Variants in PRKAG2 observed in about 807,000 individuals in gnomAD.
PRKAG2 encodes the protein protein kinase AMP-activated non-catalytic subunit gamma 2.
PRKAG2 carries 26 observed loss-of-function variants against 69.6 expected under a neutral mutation model. The observed-to-expected ratio is 0.37, with a 90% CI of 0.27 to 0.52. The LOEUF (loss-of-function observed/expected upper bound fraction) is 0.52, where lower values mean the gene tolerates loss of function less well. Among genes scored for constraint, PRKAG2 ranks in the 20% least tolerant of loss-of-function variants. The pLI is 0.90. For missense variants in PRKAG2, 557 were observed against 740.0 expected, an observed-to-expected ratio of 0.75 and a Z score of 2.87; for synonymous variants, 293 against 285.0, an observed-to-expected ratio of 1.03 and a Z score of -0.28.
At chr7:151,645,794 G>A (rs1795963050) in intron 4 of PRKAG2, among the ~76,000 whole-genome samples, 1 of 152,086 alleles carries the variant, frequency 6.6e-6, no homozygotes, top group South Asian at 2.1e-4. Flanking sequence ...TTCTTCCAAG[G>A]TTGTGAGGAT....
chr7:151,784,107 G>A (rs952245573), intron 2 of PRKAG2, among the ~76,000 whole-genome samples: 15 of 151,930 alleles, frequency 9.9e-5, no homozygotes, highest in Non-Finnish European at 1.8e-4. Context: ...TCAGTTTCCC[G>A]CAATGTGGAC....
intron 1 of PRKAG2, among the ~76,000 whole-genome samples, chr7:151,795,860 T>C (rs4076596): frequency 9.6e-6 from 1 of 104,514 alleles, no homozygotes; most frequent in Non-Finnish European, 1.9e-5. Flanking sequence ...TATATATATA[T>C]ATATATATAT....
In PRKAG2 at chr7:151,784,142, T is replaced by C. The variant is rs185582396; in HGVS notation, c.186+2328A>G. On this transcript the variant is annotated intron_variant, in intron 2 of 15. Transcript: ENST00000287878. The stretch of plus-strand genomic sequence containing the variant: ...CAACGACTTGGTTGTCCAAGCCTCG[T>C]TCCCAGGGCTGAGACAATCACGACA... Among the ~76,000 whole-genome samples, 4 of 152,190 alleles carry C rather than the reference T, an allele frequency of 2.6e-5. No individual in the cohort carries two copies. In the East Asian group the frequency reaches 5.8e-4, roughly 22 times the overall value.
intron 3 of PRKAG2, among the ~76,000 whole-genome samples, chr7:151,695,855 G>T (rs1190134320): frequency 2.0e-5 from 3 of 152,072 alleles, no homozygotes; most frequent in East Asian, 3.9e-4. Context: ...AATCACTCTT[G>T]GTGGTCTGAA....
intron 1 of PRKAG2, among the ~76,000 whole-genome samples, chr7:151,808,290 G>A (rs951434114): frequency 8.5e-5 from 13 of 152,160 alleles, no homozygotes; most frequent in African/African-American, 2.9e-4. Flanking sequence ...TGGGACCATT[G>A]AAAAATACTC....
chr7:151,605,359 T>C (rs1817253393), intron 5 of PRKAG2, among the ~76,000 whole-genome samples: 2 of 151,438 alleles, frequency 1.3e-5, no homozygotes, highest in South Asian at 2.1e-4. Context: ...TAAACCCTCT[T>C]TGAATGTGTA....
rs1310699389 is a variant in PRKAG2 at position 151,679,654 on chromosome 7, T to C, written c.467-4017A>G. Reference sequence around the variant, plus strand: ...TGTGACAGCCCTGCAGAGAAACCCCTCTGGGGGGCTGGGGTCTTCGTGTGT... The same window carrying C: ...TGTGACAGCCCTGCAGAGAAACCCCCCTGGGGGGCTGGGGTCTTCGTGTGT... On this transcript the variant is annotated intron_variant, in intron 3 of 15. Transcript: ENST00000287878. Among the ~76,000 whole-genome samples, 10 of 152,110 alleles carry C rather than the reference T, an allele frequency of 6.6e-5. No individual in the cohort carries two copies. In the East Asian group the frequency reaches 1.7e-3, roughly 26 times the overall value.
chr7:151,807,376 A>G lies in PRKAG2; in HGVS notation c.115-20835T>C. The G allele has an allele frequency of 2.2e-6, 1 of 454,854 alleles. No individual in the cohort carries two copies. Among genetic ancestry groups the G allele is most frequent in the Non-Finnish European group, 4.5e-6 (1 of 224,396 alleles). The allele number at this position is 454,854 out of a possible 1,614,324, so 28.2% of individuals were successfully genotyped here. ...TCCATGTGCTTTTTCATGCAGCGGG[A>G]GTGGAATTTTCAGGAAGCAGCTGTG... On this transcript the variant is annotated intron_variant, in intron 1 of 15. Transcript: ENST00000287878. This position sits in a 1 kb window ranked among gnomAD's most constrained non-coding sequence, Gnocchi z 4.4.
chr7:151,699,233 G>A lies in PRKAG2; in HGVS notation c.467-23596C>T, dbSNP rs1378978059. Among the ~76,000 whole-genome samples the A allele has an allele frequency of 6.6e-6, 1 of 152,212 alleles. No homozygotes were observed. The highest frequency in any genetic ancestry group is 1.5e-5 in the Non-Finnish European group (1 of 68,040). On this transcript the variant is annotated intron_variant, in intron 3 of 15. Coordinates refer to ENST00000287878, the MANE Select transcript of PRKAG2 (RefSeq NM_016203.4). This position sits in a 1 kb window ranked among gnomAD's most constrained non-coding sequence, Gnocchi z 4.5. ...AACTGCACTGTAGTTGGAGACTCTTGAGAAACCGAATGAACAATATTTCTG... is the reference window on the plus strand; with the variant it reads ...AACTGCACTGTAGTTGGAGACTCTTAAGAAACCGAATGAACAATATTTCTG...
intron 3 of PRKAG2, among the ~76,000 whole-genome samples, chr7:151,701,231 T>C (rs1563468859): frequency 6.6e-6 from 1 of 152,140 alleles, no homozygotes; most frequent in African/African-American, 2.4e-5. Context: ...CTCCCTCCAG[T>C]CTCTACCTGT....
intron 5 of PRKAG2, among the ~76,000 whole-genome samples, chr7:151,611,243 A>G (rs1818766374): frequency 6.6e-6 from 1 of 152,218 alleles, no homozygotes. Flanking sequence ...AGAGCAGCGG[A>G]GTGCTGATCG....
Position 151,781,515 on chromosome 7 carries a change from C to T in PRKAG2, c.187-84G>A. ...GCCCTGTATGAAACTTATCATTGTC[C>T]TCTCTCACATGCGGGCCCCCCATAG... is the stretch of plus-strand genomic sequence containing the variant. On this transcript the variant is annotated intron_variant, in intron 2 of 15. Transcript: ENST00000287878. The surrounding 1 kb of genome is among the most constrained non-coding windows in gnomAD (Gnocchi z 6.1). 1.3e-6 allele frequency: 2 copies of T among 1,494,806 alleles called. No individual in the cohort carries two copies. Among genetic ancestry groups the T allele is most frequent in the Non-Finnish European group, 1.8e-6 (2 of 1,106,616 alleles). 92.6% of individuals were successfully genotyped at this position (1,494,806 alleles called of 1,614,324 possible).
chr7:151,725,569 A>T (rs1797809603), intron 3 of PRKAG2, among the ~76,000 whole-genome samples: 1 of 152,142 alleles, frequency 6.6e-6, no homozygotes, highest in African/African-American at 2.4e-5. Context: ...AGAAAAAAAA[A>T]AAAAGAGCCA....
At chr7:151,714,448 G>T (rs954923293) in intron 3 of PRKAG2, among the ~76,000 whole-genome samples, 1 of 73,646 alleles carries the variant, frequency 1.4e-5, no homozygotes, top group African/African-American at 5.3e-5. Flanking sequence ...TCCGCGACCC[G>T]CCGTCCTCCC....
intron 4 of PRKAG2, among the ~76,000 whole-genome samples, chr7:151,663,943 T>C (rs1171248035): frequency 6.6e-6 from 1 of 152,220 alleles, no homozygotes; most frequent in South Asian, 2.1e-4. Flanking sequence ...TTGTGAGCCA[T>C]ATAGTCTCTG....
intron 4 of PRKAG2, among the ~76,000 whole-genome samples, chr7:151,635,146 T>C (rs2151340562): frequency 6.6e-6 from 1 of 152,260 alleles, no homozygotes; most frequent in South Asian, 2.1e-4. Context: ...AGATGAGGTT[T>C]CACCATATTG....
intron 6 of PRKAG2, among the ~76,000 whole-genome samples, chr7:151,581,258 T>C (rs1714710541): frequency 6.6e-6 from 1 of 152,144 alleles, no homozygotes; most frequent in African/African-American, 2.4e-5. Context: ...CTGCATGAAA[T>C]GAAAATGGAC....
intron 3 of PRKAG2, among the ~76,000 whole-genome samples, chr7:151,708,310 T>G (rs1838967604): frequency 6.6e-6 from 1 of 152,214 alleles, no homozygotes; most frequent in African/African-American, 2.4e-5. Flanking sequence ...CTCGGGACTC[T>G]AATAACTCCT....
intron 3 of PRKAG2, among the ~76,000 whole-genome samples, chr7:151,713,858 G>C (rs1388322397): frequency 6.6e-6 from 1 of 152,214 alleles, no homozygotes; most frequent in South Asian, 2.1e-4. Flanking sequence ...TTACAGGCAT[G>C]AGCCACTGCA....
Sources: gnomAD v4.1 joint callset for allele counts (sites outside exome capture counted in the v4.1 genomes callset) on GRCh38, gnomAD v4.1.1 for gene constraint, Gnocchi (gnomAD v3.1) non-coding constraint, MANE v1.5 for transcripts, NCBI Gene and HGNC (gene_info 2026-07-23, HGNC 2026-07-21) for gene names.